The following ARMH3 variants were observed in gnomAD, a reference collection of about 807,000 sequenced individuals.
The protein encoded by ARMH3 is armadillo-like helical domain-containing protein 3.
A neutral mutation model predicts 99.1 loss-of-function variants in ARMH3; 60 were observed. The observed-to-expected ratio is 0.61, with a 90% CI of 0.49 to 0.75. The LOEUF (loss-of-function observed/expected upper bound fraction) is 0.75. Ranked by LOEUF, ARMH3 falls within the 30% of genes least tolerant of loss-of-function variation. The pLI is 0.00. For missense variants in ARMH3, 679 were observed against 843.1 expected, an observed-to-expected ratio of 0.81 and a Z score of 2.41; for synonymous variants, 285 against 292.8, an observed-to-expected ratio of 0.97 and a Z score of 0.27.
chr10:102,008,800 T>C (rs2066565494), intron 13 of ARMH3, among the ~76,000 whole-genome samples: 1 of 151,998 alleles, frequency 6.6e-6, no homozygotes, highest in East Asian at 1.9e-4. Context: ...CTCCTGACCT[T>C]GTGATCCGCC....
intron 11 of ARMH3, 112 bp downstream of exon 11, chr10:102,011,611 T>G (rs1316862753): frequency 1.2e-6 from 1 of 832,266 alleles, no homozygotes; most frequent in African/African-American, 1.8e-5. Context: ...AGCCTCTCTC[T>G]TGTCATCATG....
intron 22 of ARMH3, among the ~76,000 whole-genome samples, 159 bp from the exon 23 acceptor site, chr10:101,940,097 G>C (rs1204794011): frequency 6.6e-6 from 1 of 152,018 alleles, no homozygotes. Flanking sequence ...AAAATACAAG[G>C]GCTTATAGAA....
chr10:102,050,189 T>A (rs546996083), intron 1 of ARMH3, among the ~76,000 whole-genome samples: 12 of 150,102 alleles, frequency 8.0e-5, no homozygotes, highest in Non-Finnish European at 1.6e-4. Context: ...ATGCCTGTAA[T>A]CCCAACACTT....
chr10:101,910,937 C>CGA (rs1842843145), intron 23 of ARMH3, among the ~76,000 whole-genome samples: 1 of 151,688 alleles, frequency 6.6e-6, no homozygotes, highest in Non-Finnish European at 1.5e-5. Flanking sequence ...TTCAGGAGTT[C>CGA]GAGATGAGCC....
intron 23 of ARMH3, among the ~76,000 whole-genome samples, chr10:101,937,805 G>A (rs1320358499): frequency 6.6e-6 from 1 of 152,090 alleles, no homozygotes; most frequent in African/African-American, 2.4e-5. Context: ...ATTTTTCCCT[G>A]ATCTGGCCTT....
In ARMH3 at chr10:101,847,310, C is replaced by T; in HGVS notation, c.*218G>A. 2 of 515,574 alleles carry T rather than the reference C, an allele frequency of 3.9e-6. No homozygotes were observed. Among genetic ancestry groups the T allele is most frequent in the South Asian group, 2.2e-5 (1 of 45,156 alleles). 31.9% of individuals were successfully genotyped at this position (515,574 alleles called of 1,614,324 possible). ...TCCCCACATTCCTGGAGGCCTCTCC[C>T]CACTGTGCCCACCCATTCCTCCCCA... On this transcript the variant is annotated 3_prime_UTR_variant, in exon 26 of 26. Coordinates refer to ENST00000370033, the MANE Select transcript of ARMH3 (RefSeq NM_024541.3).
chr10:101,987,778 C>T (rs533023880), intron 19 of ARMH3, among the ~76,000 whole-genome samples: 1 of 152,300 alleles, frequency 6.6e-6, no homozygotes, highest in East Asian at 1.9e-4. Context: ...AGAACTGAGG[C>T]TTACCAACAA....
chr10:102,010,703 A>G (rs2066611990), intron 11 of ARMH3, among the ~76,000 whole-genome samples: 2 of 152,332 alleles, frequency 1.3e-5, no homozygotes, highest in Admixed American at 1.3e-4. Context: ...CTATGCTCCT[A>G]GAGCTTCATG....
intron 4 of ARMH3, among the ~76,000 whole-genome samples, chr10:102,032,554 C>A (rs1230839785): frequency 2.0e-5 from 3 of 152,142 alleles, no homozygotes; most frequent in Admixed American, 2.0e-4. Context: ...GTGCCCACCA[C>A]CATGCCCGGC....
chr10:101,931,938 C>CA (rs1160152473), intron 23 of ARMH3, among the ~76,000 whole-genome samples: 1 of 152,098 alleles, frequency 6.6e-6, no homozygotes, highest in African/African-American at 2.4e-5. Flanking sequence ...AAAACTTGTG[C>CA]ATCAAAGGAC....
intron 19 of ARMH3, among the ~76,000 whole-genome samples, chr10:101,982,021 C>CAAAAA (rs71016356): frequency 2.1e-3 from 123 of 58,940 alleles, no homozygotes; most frequent in Non-Finnish European, 2.8e-3. Context: ...GACTCTATCT[C>CAAAAA]AAAAAAAAAA....
At chr10:101,925,851 C>A (rs762977457) in intron 23 of ARMH3, among the ~76,000 whole-genome samples, 29 of 152,254 alleles carry the variant, frequency 1.9e-4, no homozygotes, top group Non-Finnish European at 2.5e-4. Context: ...GCGGAGGTTG[C>A]AGTGAGCCGA....
rs769703942 is a variant in ARMH3 at position 102,025,287 on chromosome 10, T to C, written c.415-39A>G. On this transcript the variant is annotated intron_variant, in intron 5 of 25. Coordinates refer to ENST00000370033, the MANE Select transcript of ARMH3 (RefSeq NM_024541.3). Reference sequence around the variant, plus strand: ...CCAATAAGCATTAAACCATACCAGATAACACCCCACCTTTGTCTAACTCTG... The same window carrying C: ...CCAATAAGCATTAAACCATACCAGACAACACCCCACCTTTGTCTAACTCTG... 9.2e-6 allele frequency: 14 copies of C among 1,529,572 alleles called. No homozygotes were observed. The East Asian group carries it at 2.9e-4, about 32-fold the overall frequency. The allele number at this position is 1,529,572 out of a possible 1,614,324, so 94.8% of individuals were successfully genotyped here. A position where few individuals can be genotyped will look rare whatever the true frequency, so the allele number is the denominator to read the frequency against.
At chr10:101,932,057 C>G (rs1429406820) in intron 23 of ARMH3, among the ~76,000 whole-genome samples, 1 of 151,972 alleles carries the variant, frequency 6.6e-6, no homozygotes, top group East Asian at 1.9e-4. Flanking sequence ...AACTCAACAA[C>G]AAAACACCAA....
At chr10:101,917,788 A>AACAC (rs1164312182) in intron 23 of ARMH3, among the ~76,000 whole-genome samples, 1 of 152,132 alleles carries the variant, frequency 6.6e-6, no homozygotes, top group African/African-American at 2.4e-5. Flanking sequence ...AATCAGTATG[A>AACAC]CTTACAAACT....
At chr10:101,853,258 G>A (rs576801945) in intron 24 of ARMH3, among the ~76,000 whole-genome samples, 1 of 152,154 alleles carries the variant, frequency 6.6e-6, no homozygotes, top group African/African-American at 2.4e-5. Context: ...TTGCCTGTCA[G>A]TTCATCTAGT....
chr10:101,867,106 T>C lies in ARMH3; in HGVS notation c.1861-17214A>G, dbSNP rs541721462. Among the ~76,000 whole-genome samples the C allele has an allele frequency of 4.6e-5, 7 of 152,342 alleles. No homozygotes were observed. In the East Asian group the frequency reaches 1.3e-3, roughly 29 times the overall value. ...TTATGATGAGGAGTGCCCTTATCTA[T>C]AAACCTTTAAGCCCTGAGTCTTGAA... On this transcript the variant is annotated intron_variant, in intron 24 of 25. Transcript: ENST00000370033.
intron 1 of ARMH3, among the ~76,000 whole-genome samples, chr10:102,052,648 G>A (rs1170513408): frequency 6.6e-6 from 1 of 152,072 alleles, no homozygotes; most frequent in Non-Finnish European, 1.5e-5. Context: ...AAGACAGAAA[G>A]GGACCAAAAA....
At chr10:102,028,010 C>T (rs143738347) in intron 5 of ARMH3, among the ~76,000 whole-genome samples, 1 of 150,976 alleles carries the variant, frequency 6.6e-6, no homozygotes, top group African/African-American at 2.4e-5. Flanking sequence ...AAAAAGACAC[C>T]CCCATCTAGA....
Sources: gnomAD v4.1 joint callset for allele counts (sites outside exome capture counted in the v4.1 genomes callset) on GRCh38, gnomAD v4.1.1 for gene constraint, MANE v1.5 for transcripts, NCBI Gene and HGNC (gene_info 2026-07-23, HGNC 2026-07-21) for gene names.